The following POLR2F variants were observed in gnomAD, a reference collection of about 807,000 sequenced individuals.
POLR2F encodes RNA polymerase II, I and III subunit F, also known as DNA-directed RNA polymerases I, II, and III subunit RPABC2.
Under a neutral mutation model 22.7 loss-of-function variants are expected in POLR2F, and 12 were observed. The observed-to-expected ratio is 0.53, with a 90% CI of 0.34 to 0.86. The LOEUF (loss-of-function observed/expected upper bound fraction) is 0.86. Among genes scored for constraint, POLR2F ranks in the 40% least tolerant of loss-of-function variants. The probability of loss-of-function intolerance (pLI) is 0.02; values close to 1 mark genes in which losing one functional copy is unlikely to be tolerated. For synonymous variants in POLR2F, 57 were observed against 66.0 expected, an observed-to-expected ratio of 0.86 and a Z score of 0.66; for missense variants, 126 against 171.5, an observed-to-expected ratio of 0.73 and a Z score of 1.48.
intron 1 of POLR2F, among the ~76,000 whole-genome samples, chr22:37,995,945 G>C (rs952913527): frequency 4.6e-5 from 7 of 152,250 alleles, no homozygotes; most frequent in Admixed American, 2.6e-4. Context: ...TCTGAGAAGT[G>C]AGTCATGATC....
At chr22:38,010,225 A>G (rs1209319062) in intron 1 of POLR2F, among the ~76,000 whole-genome samples, 1 of 152,120 alleles carries the variant, frequency 6.6e-6, no homozygotes, top group Non-Finnish European at 1.5e-5. Flanking sequence ...AAGTAAAAAT[A>G]TTAACTAGAT....
chr22:37,982,762 GC>G, upstream of POLR2F, among the ~76,000 whole-genome samples: 1 of 152,194 alleles, frequency 6.6e-6, no homozygotes, highest in Non-Finnish European at 1.5e-5. Context: ...GGATGAAGAA[GC>G]CCCCAACTCA....
At chr22:37,956,065 T>G (rs1294479583) in intron 1 of POLR2F, among the ~76,000 whole-genome samples, 3 of 151,934 alleles carry the variant, frequency 2.0e-5, no homozygotes, top group African/African-American at 7.3e-5. Context: ...TTTGATTTTT[T>G]TTTTGTTTGT....
At chr22:38,011,576 C>T (rs1237981555) in intron 1 of POLR2F, among the ~76,000 whole-genome samples, 1 of 151,784 alleles carries the variant, frequency 6.6e-6, no homozygotes, top group Non-Finnish European at 1.5e-5. Flanking sequence ...CAATTGACCA[C>T]ATGTGTGGGT....
intron 5 of POLR2F, chr22:38,033,203 G>A (rs956633233): frequency 6.6e-6 from 1 of 152,142 alleles, no homozygotes; most frequent in African/African-American, 2.4e-5. Context: ...AAAAGGAAGT[G>A]GACAAAATCT....
intron 1 of POLR2F, among the ~76,000 whole-genome samples, chr22:38,011,292 G>A (rs2145809996): frequency 6.6e-6 from 1 of 151,458 alleles, no homozygotes; most frequent in South Asian, 2.1e-4. Context: ...TTTTGTAGAG[G>A]CAAGGTTTTG....
At chr22:38,037,733 C>T (rs541603494) in intron 5 of POLR2F, among the ~76,000 whole-genome samples, 34 of 152,276 alleles carry the variant, frequency 2.2e-4, no homozygotes, top group Admixed American at 2.0e-3. Context: ...GCTGGGACTA[C>T]AGGCACGTGC....
chr22:37,991,673 T>A (rs1006829433), intron 1 of POLR2F, among the ~76,000 whole-genome samples: 1 of 151,724 alleles, frequency 6.6e-6, no homozygotes, highest in Non-Finnish European at 1.5e-5. Flanking sequence ...GGCCCCTGAG[T>A]GAGATGTGCA....
intron 2 of POLR2F, among the ~76,000 whole-genome samples, chr22:37,957,097 C>T (rs991641490): frequency 9.2e-5 from 14 of 152,192 alleles, no homozygotes; most frequent in African/African-American, 3.4e-4. Context: ...TAAACGGTGC[C>T]TTCCTTCATT....
At chr22:37,988,086 G>C (rs1250101818) in intron 1 of POLR2F, 1 of 151,800 alleles carries the variant, frequency 6.6e-6, no homozygotes, top group Admixed American at 6.6e-5. Context: ...CACTTTGGGA[G>C]GCCAAGGTGG....
At chr22:37,982,763 C>G (rs775785306), upstream of POLR2F, among the ~76,000 whole-genome samples, 12 of 152,058 alleles carry the variant, frequency 7.9e-5, no homozygotes, top group Non-Finnish European at 1.5e-4. Context: ...GATGAAGAAG[C>G]CCCCAACTCA....
intron 5 of POLR2F, among the ~76,000 whole-genome samples, chr22:38,035,344 C>T (rs373378864): frequency 1.1e-4 from 17 of 152,240 alleles, no homozygotes; most frequent in Admixed American, 2.6e-4. Context: ...TCCTATGGGA[C>T]GAGAGGGATA....
Position 37,968,713 on chromosome 22 carries a change from T to A in POLR2F, c.*998T>A. 1.0e-6 allele frequency: 1 copy of A among 985,440 alleles called. No homozygotes were observed. The highest frequency in any genetic ancestry group is 1.2e-6 in the Non-Finnish European group (1 of 829,932). The allele number at this position is 985,440 out of a possible 1,614,324, so 61.0% of individuals were successfully genotyped here. ...AGAGGGTAAACTGGCTCCCTGAATA[T>A]GCCAGCCTTAACCTCCATTCCACTG... On this transcript the variant is annotated 3_prime_UTR_variant, in exon 5 of 5. Transcript: ENST00000442738.
downstream of POLR2F, chr22:37,972,321 C>T: frequency 9.5e-7 from 1 of 1,048,136 alleles, no homozygotes; most frequent in Non-Finnish European, 1.3e-6. Flanking sequence ...GTAACCGGAA[C>T]CTTTAATTTT....
chr22:37,987,621 G>A, intron 1 of POLR2F: 1 of 318,826 alleles, frequency 3.1e-6, no homozygotes, highest in Non-Finnish European at 6.2e-6. Context: ...CAGGAGTGAG[G>A]GATGGTCTGG....
intron 1 of POLR2F, among the ~76,000 whole-genome samples, chr22:38,018,548 A>T (rs1353480395): frequency 3.3e-5 from 5 of 152,196 alleles, no homozygotes; most frequent in Non-Finnish European, 5.9e-5. Flanking sequence ...ATTCTGATGG[A>T]CAATCTCTAA....
chr22:38,000,363 TG>T (rs1361139013), intron 1 of POLR2F, among the ~76,000 whole-genome samples: 1 of 152,138 alleles, frequency 6.6e-6, no homozygotes, highest in Non-Finnish European at 1.5e-5. Flanking sequence ...TCTTCTACAT[TG>T]GGCTAGGAGT....
chr22:38,040,969 C>G, intron 5 of POLR2F: 1 of 1,577,144 alleles, frequency 6.3e-7, no homozygotes, highest in Non-Finnish European at 8.7e-7. Flanking sequence ...ACAACAGTGA[C>G]GTTGATCAAA....
intron 3 of POLR2F, among the ~76,000 whole-genome samples, chr22:37,960,910 G>A (rs993869186): frequency 3.4e-5 from 5 of 147,692 alleles, no homozygotes; most frequent in Admixed American, 6.9e-5. Flanking sequence ...GTGCCGTGGC[G>A]TGATCTCGGT....
Sources: allele counts gnomAD v4.1 joint callset (sites outside exome capture counted in the v4.1 genomes callset), GRCh38; gene constraint gnomAD v4.1.1; transcripts MANE v1.5; gene names NCBI Gene and HGNC (gene_info 2026-07-23, HGNC 2026-07-21).